SASH1: variants seen among roughly 807,000 people sequenced by gnomAD.
The protein encoded by SASH1 is SAM and SH3 domain containing 1.
Under a neutral mutation model 125.2 loss-of-function variants are expected in SASH1, and 44 were observed. The ratio of observed to expected loss-of-function variants is 0.35; its 90% CI spans 0.28 to 0.45. The LOEUF is 0.45. Among genes scored for constraint, SASH1 ranks in the 20% least tolerant of loss-of-function variants. The pLI is 1.00. For synonymous variants in SASH1, 639 were observed against 649.1 expected (o/e 0.98, Z 0.24); for missense variants, 1,426 against 1,614.5 (o/e 0.88, Z 2.00).
rs1562316684 is a variant in SASH1, at chr6:148,307,088, CTTTCTT to C, written n.74+34713_74+34718del. ...TCTTTCTTTCTTTCTTTCTTTCTTT[CTTTCTT>C]TCTCTCTCTCTGTCTCTTTCTTTCT... On this transcript the variant is annotated intron_variant and non_coding_transcript_variant, in intron 1 of 3. Coordinates refer to the SASH1 transcript ENST00000367469. Among the ~76,000 whole-genome samples, 13 of 137,946 alleles carry C rather than the reference CTTTCTT, an allele frequency of 9.4e-5. No homozygotes were observed. In the East Asian group the frequency reaches 1.0e-3, roughly 11 times the overall value. 90.5% of individuals were successfully genotyped at this position (137,946 alleles called of 152,430 possible).
At chr6:148,327,560 G>A (rs1022124637) in intron 1 of SASH1, among the ~76,000 whole-genome samples, 5 of 151,214 alleles carry the variant, frequency 3.3e-5, no homozygotes, top group Non-Finnish European at 7.4e-5. Context: ...TGGGATTACA[G>A]GCGTGAGCCA....
At chr6:148,537,967 G>A (rs1397835773) in intron 16 of SASH1, among the ~76,000 whole-genome samples, 6 of 152,098 alleles carry the variant, frequency 3.9e-5, no homozygotes, top group South Asian at 2.1e-4. Context: ...AATTTTCAGC[G>A]TTCTAGCTTA....
chr6:148,449,418 G>A (rs957591215), intron 4 of SASH1, among the ~76,000 whole-genome samples: 21 of 138,916 alleles, frequency 1.5e-4, no homozygotes, highest in South Asian at 4.6e-4. Flanking sequence ...ACGTAGTTTC[G>A]CTCTTGTTGC....
intron 1 of SASH1, among the ~76,000 whole-genome samples, chr6:148,300,567 G>C (rs1326401289): frequency 6.6e-6 from 1 of 150,598 alleles, no homozygotes; most frequent in Non-Finnish European, 1.5e-5. Context: ...TCTCACCTCA[G>C]CCTCCCCAGT....
intron 1 of SASH1, among the ~76,000 whole-genome samples, chr6:148,320,285 C>T (rs1197170485): frequency 6.6e-6 from 1 of 152,188 alleles, no homozygotes; most frequent in Admixed American, 6.5e-5. Context: ...GGACAAGACC[C>T]TCTGAAAAGA....
At chr6:148,407,194 T>A (rs1295357359) in intron 2 of SASH1, among the ~76,000 whole-genome samples, 1 of 152,192 alleles carries the variant, frequency 6.6e-6, no homozygotes, top group African/African-American at 2.4e-5. Flanking sequence ...GCTCTTTCCG[T>A]CCTGCAAAGC....
At chr6:148,341,325 T>TC (rs1434213467), upstream of SASH1, among the ~76,000 whole-genome samples, 3 of 147,162 alleles carry the variant, frequency 2.0e-5, no homozygotes, top group African/African-American at 7.7e-5. Context: ...TTGTTTTTTT[T>TC]TTTTGTTTTT....
chr6:148,371,372 TCAGCCTCCTGAGTAGCTGGGATTACAGG>T (rs1782697002), intron 1 of SASH1, among the ~76,000 whole-genome samples: 1 of 151,750 alleles, frequency 6.6e-6, no homozygotes, highest in South Asian at 2.1e-4. Context: ...TTCTCCTGCC[TCAGCCTCCTGAGTAGCTGGGATTACAGG>T]CACCCGCCAG....
chr6:148,448,875 CCTCT>C (rs1776937182), intron 4 of SASH1, among the ~76,000 whole-genome samples: 1 of 152,104 alleles, frequency 6.6e-6, no homozygotes, highest in South Asian at 2.1e-4. Flanking sequence ...TCCACACTTC[CCTCT>C]CTCTATCCTT....
chr6:148,269,174 A>C (rs560955404), upstream of SASH1, among the ~76,000 whole-genome samples: 1 of 152,378 alleles, frequency 6.6e-6, no homozygotes, highest in African/African-American at 2.4e-5. Context: ...GAGGTATACT[A>C]TAAATGCTTG....
rs1384510223 is a variant in SASH1, at chr6:148,549,681, CCTT to C, written c.*1127_*1129del. 27 of 398,706 alleles carry C rather than the reference CCTT, an allele frequency of 6.8e-5. No homozygotes were observed. Among genetic ancestry groups the C allele is most frequent in the Non-Finnish European group, 1.0e-4 (23 of 225,974 alleles). 24.7% of individuals were successfully genotyped at this position (398,706 alleles called of 1,614,324 possible). On this transcript the variant is annotated 3_prime_UTR_variant, in exon 20 of 20. Coordinates refer to ENST00000367467, the MANE Select transcript of SASH1 (RefSeq NM_015278.5). ...GTATTACAACTAATACTATTATTATCCTTCTTTTTTTATTTAGATAATTCTTTT... is the reference window on the plus strand; with the variant it reads ...GTATTACAACTAATACTATTATTATCCTTTTTTTATTTAGATAATTCTTTT...
intron 2 of SASH1, among the ~76,000 whole-genome samples, chr6:148,393,488 C>A (rs13214476): frequency 0.031 from 4,782 of 152,280 alleles, 109 homozygotes; most frequent in Non-Finnish European, 0.046. Context: ...CAACACTAAA[C>A]TGCTCTTCTC....
At chr6:148,485,735 G>A (rs1778809265) in intron 7 of SASH1, among the ~76,000 whole-genome samples, 2 of 152,200 alleles carry the variant, frequency 1.3e-5, no homozygotes, top group African/African-American at 4.8e-5. Flanking sequence ...TGAAATCACA[G>A]TTGTGAAAGT....
the SASH1 span, among the ~76,000 whole-genome samples, chr6:148,208,701 A>G: frequency 6.6e-6 from 1 of 152,214 alleles, no homozygotes; most frequent in African/African-American, 2.4e-5. Flanking sequence ...GTCTTTTCTG[A>G]CACTGTTTGT....
chr6:148,393,041 A>AT (rs11368073), intron 2 of SASH1, among the ~76,000 whole-genome samples: 98 of 78,076 alleles, frequency 1.3e-3, no homozygotes, highest in Middle Eastern at 6.9e-3. Context: ...GAATGTTTCA[A>AT]TTTTTTTTTT....
At chr6:148,266,946 C>T in the SASH1 span, among the ~76,000 whole-genome samples, 7,336 of 152,002 alleles carry the variant, frequency 0.048, 250 homozygotes, top group Non-Finnish European at 0.067. Context: ...CTGGGAAAGC[C>T]GGAGAGCTAG....
chr6:148,543,590 G>A, intron 17 of SASH1, 90 bp from the exon 18 acceptor site: 1 of 1,122,002 alleles, frequency 8.9e-7, no homozygotes, highest in Non-Finnish European at 1.3e-6. Context: ...GTGGGTGTTG[G>A]AGATTTCAAT....
At chr6:148,248,270 G>A in the SASH1 span, among the ~76,000 whole-genome samples, 1 of 152,176 alleles carries the variant, frequency 6.6e-6, no homozygotes, top group Non-Finnish European at 1.5e-5. Flanking sequence ...GCAGCCTAGG[G>A]TCCTGAAGGA....
At chr6:148,497,161 G>A (rs928101199) in intron 8 of SASH1, among the ~76,000 whole-genome samples, 3 of 152,148 alleles carry the variant, frequency 2.0e-5, no homozygotes, top group Non-Finnish European at 2.9e-5. Context: ...CTTAGGGTGA[G>A]ACTAAAGGAA....
Sources: gnomAD v4.1 joint callset for allele counts (sites outside exome capture counted in the v4.1 genomes callset) on GRCh38, gnomAD v4.1.1 for gene constraint, MANE v1.5 for transcripts, NCBI Gene and HGNC (gene_info 2026-07-23, HGNC 2026-07-21) for gene names.